The following VAC14 variants were observed in gnomAD, a reference collection of about 807,000 sequenced individuals.
VAC14 encodes VAC14 component of PIKFYVE complex.
VAC14 carries 47 observed loss-of-function variants against 85.3 expected under a neutral mutation model. That is an observed-to-expected ratio of 0.55 (90% CI 0.44 to 0.70). The LOEUF is 0.70. Among genes scored for constraint, VAC14 ranks in the 30% least tolerant of loss-of-function variants. The pLI, the probability that VAC14 is intolerant of heterozygous loss-of-function variation, is 0.00. For synonymous variants in VAC14, 447 were observed against 430.5 expected (o/e 1.04, Z -0.47); for missense variants, 861 against 1,004.3 (o/e 0.86, Z 1.93).
chr16:70,732,001 G>A (rs755479418), intron 13 of VAC14, among the ~76,000 whole-genome samples: 10 of 152,062 alleles, frequency 6.6e-5, no homozygotes, highest in Non-Finnish European at 1.5e-4. Flanking sequence ...CATTATCCCA[G>A]TAAACGAAAT....
intron 12 of VAC14, among the ~76,000 whole-genome samples, chr16:70,756,879 G>A (rs982935411): frequency 9.2e-5 from 14 of 152,178 alleles, no homozygotes; most frequent in African/African-American, 3.1e-4. Context: ...TGGGTGTGAT[G>A]GGTGGCCCAT....
At chr16:70,710,650 A>G (rs1035607226) in intron 14 of VAC14, among the ~76,000 whole-genome samples, 3 of 152,110 alleles carry the variant, frequency 2.0e-5, no homozygotes, top group African/African-American at 7.2e-5. Context: ...TGCGTATTCC[A>G]CAGTTTACAG....
At chr16:70,767,438 T>C (rs1476779224) in intron 10 of VAC14, among the ~76,000 whole-genome samples, 2 of 152,236 alleles carry the variant, frequency 1.3e-5, no homozygotes, top group Non-Finnish European at 2.9e-5. Context: ...GGCTACAAGC[T>C]GGGAAATACT....
chr16:70,784,491 C>T (rs1382834864), intron 4 of VAC14, among the ~76,000 whole-genome samples: 1 of 152,126 alleles, frequency 6.6e-6, no homozygotes, highest in African/African-American at 2.4e-5. Flanking sequence ...AATGCCCAGG[C>T]CCCTGCTGTC....
At position 70,784,178 on chromosome 16, in the gene VAC14, T is replaced by A; in HGVS notation, c.529A>T (p.Ile177Phe). 6.2e-7 allele frequency: 1 copy of A among 1,614,188 alleles called. No homozygotes were observed. Among genetic ancestry groups the A allele is most frequent in the Non-Finnish European group, 8.5e-7 (1 of 1,180,030 alleles). ...TAAATCCTCTCTCGCAACAAGGGGA[T>A]GAAGCTCACCAGGTCAAACTTGTTG... Reference protein sequence around the residue: ...ESNKFDLVSFIPLLRERIYSN... With the variant: ...ESNKFDLVSFFPLLRERIYSN... Residue 177 changes from isoleucine to phenylalanine, a missense_variant, in exon 5 of 19, where the codon ATC becomes TTC. Physicochemically the swap from Ile to Phe is conservative, Grantham distance 21. This residue lies in a region of VAC14 where 629 missense variants were observed against 703.1 expected (regional missense o/e 0.89). Coordinates refer to ENST00000261776, the MANE Select transcript of VAC14 (RefSeq NM_018052.5).
intron 18 of VAC14, chr16:70,688,604 T>C (rs1231719131): frequency 5.1e-6 from 5 of 985,484 alleles, no homozygotes; most frequent in Non-Finnish European, 4.8e-6. Flanking sequence ...CCCCAAGGCC[T>C]GCAGTCACTC....
chr16:70,778,576 A>C (rs1483761217), intron 9 of VAC14: 3 of 152,208 alleles, frequency 2.0e-5, no homozygotes, highest in Non-Finnish European at 4.4e-5. Flanking sequence ...CCATAACCCC[A>C]AAAAGAAACC....
intron 12 of VAC14, among the ~76,000 whole-genome samples, chr16:70,761,621 C>T (rs752880874): frequency 7.9e-5 from 12 of 152,170 alleles, no homozygotes; most frequent in Admixed American, 1.3e-4. Flanking sequence ...CAGACTCCTG[C>T]CCAGATGACA....
chr16:70,704,147 CCT>C (rs2053879291), intron 14 of VAC14, among the ~76,000 whole-genome samples: 2 of 152,244 alleles, frequency 1.3e-5, no homozygotes, highest in Non-Finnish European at 2.9e-5. Context: ...ACACACAGCC[CCT>C]GCTTCAGGTG....
intron 12 of VAC14, among the ~76,000 whole-genome samples, chr16:70,759,182 G>T (rs995656400): frequency 1.3e-5 from 2 of 152,236 alleles, no homozygotes; most frequent in Non-Finnish European, 2.9e-5. Flanking sequence ...GCGAGAGGGA[G>T]GAGCATGTGG....
chr16:70,746,720 G>T (rs1055607913), intron 12 of VAC14, among the ~76,000 whole-genome samples: 1 of 152,224 alleles, frequency 6.6e-6, no homozygotes, highest in African/African-American at 2.4e-5. Context: ...GGATGGGGAA[G>T]TGGCACAGCA....
At chr16:70,723,448 G>C (rs959073692) in intron 14 of VAC14, among the ~76,000 whole-genome samples, 1 of 152,120 alleles carries the variant, frequency 6.6e-6, no homozygotes, top group African/African-American at 2.4e-5. Context: ...CTGGGTGACT[G>C]AGTGAGACCC....
chr16:70,764,522 C>T (rs2143093391), intron 10 of VAC14, among the ~76,000 whole-genome samples: 1 of 152,312 alleles, frequency 6.6e-6, no homozygotes, highest in East Asian at 1.9e-4. Flanking sequence ...CTCTCAAGTC[C>T]ACTGTCCCGC....
At chr16:70,798,778 T>C (rs1401650070) in intron 1 of VAC14, among the ~76,000 whole-genome samples, 3 of 152,244 alleles carry the variant, frequency 2.0e-5, no homozygotes, top group African/African-American at 7.2e-5. Flanking sequence ...CTGCTGTCTG[T>C]AGGCCACGCT....
chr16:70,710,531 C>T (rs963567490), intron 14 of VAC14, among the ~76,000 whole-genome samples: 6 of 152,210 alleles, frequency 3.9e-5, no homozygotes, highest in Non-Finnish European at 5.9e-5. Context: ...CAATGTCTGG[C>T]GACGCCCCTT....
chr16:70,755,135 A>C, intron 12 of VAC14: 1 of 254,022 alleles, frequency 3.9e-6, no homozygotes, highest in Non-Finnish European at 8.0e-6. Flanking sequence ...CGGCTTCTAC[A>C]CCACCCTGCA....
chr16:70,712,118 C>T (rs1273528724), intron 14 of VAC14, among the ~76,000 whole-genome samples: 1 of 151,964 alleles, frequency 6.6e-6, no homozygotes, highest in Admixed American at 6.5e-5. Flanking sequence ...CTTTTGTGAT[C>T]AGCCATTTTC....
chr16:70,775,844 C>A (rs2033488835), intron 9 of VAC14, among the ~76,000 whole-genome samples: 1 of 152,222 alleles, frequency 6.6e-6, no homozygotes, highest in African/African-American at 2.4e-5. Context: ...TTCACTCTTA[C>A]ATCTCTCCTG....
At chr16:70,785,231 G>A (rs1473704476) in intron 3 of VAC14, among the ~76,000 whole-genome samples, 9 of 152,216 alleles carry the variant, frequency 5.9e-5, no homozygotes, top group East Asian at 5.8e-4. Flanking sequence ...AGAAACTTCC[G>A]TGGCATTCTG....
Sources: gnomAD v4.1 joint callset for allele counts (sites outside exome capture counted in the v4.1 genomes callset) on GRCh38, gnomAD v4.1.1 for gene constraint, gnomAD v4.1.1 regional missense constraint, MANE v1.5 for transcripts, NCBI Gene and HGNC (gene_info 2026-07-23, HGNC 2026-07-21) for gene names.